Variants in LINGO2 observed in about 807,000 individuals in gnomAD.
LINGO2 encodes the protein leucine rich repeat and Ig domain containing 2.
A neutral mutation model predicts 30.6 loss-of-function variants in LINGO2; 14 were observed. The observed-to-expected ratio is 0.46, with a 90% CI of 0.30 to 0.72. The LOEUF is 0.72. Among genes scored for constraint, LINGO2 ranks in the 30% least tolerant of loss-of-function variants. LINGO2 has a pLI of 0.07. For synonymous variants in LINGO2, 317 were observed against 288.5 expected (o/e 1.10, Z -1.00); for missense variants, 729 against 751.7 (o/e 0.97, Z 0.35).
At chr9:28,099,904 C>G (rs565714364) in intron 4 of LINGO2, among the ~76,000 whole-genome samples, 2 of 152,258 alleles carry the variant, frequency 1.3e-5, no homozygotes, top group African/African-American at 4.8e-5. Context: ...TCTGAATGTT[C>G]TTTCACTCAG....
the LINGO2 span, among the ~76,000 whole-genome samples, chr9:29,145,602 A>C: frequency 0.019 from 2,934 of 152,300 alleles, 25 homozygotes; most frequent in South Asian, 0.053. Context: ...CAAGCAATCA[A>C]CCAAAATATA....
chr9:28,270,316 C>T (rs554774434), intron 4 of LINGO2, among the ~76,000 whole-genome samples: 2 of 152,150 alleles, frequency 1.3e-5, no homozygotes, highest in South Asian at 2.1e-4. Flanking sequence ...ACTTGTAGCC[C>T]ATGAGTCATG....
intron 4 of LINGO2, among the ~76,000 whole-genome samples, chr9:28,126,618 G>T (rs1169662032): frequency 6.6e-6 from 1 of 152,174 alleles, no homozygotes; most frequent in Admixed American, 6.5e-5. Flanking sequence ...GGCACCTAGG[G>T]GTCCCTCAAA....
intron 4 of LINGO2, among the ~76,000 whole-genome samples, chr9:28,150,836 G>T (rs538940368): frequency 6.6e-6 from 1 of 152,136 alleles, no homozygotes; most frequent in African/African-American, 2.4e-5. Flanking sequence ...CGTGGCGGTC[G>T]CCATAGTTAG....
chr9:28,817,089 C>T, the LINGO2 span, among the ~76,000 whole-genome samples: 1 of 152,122 alleles, frequency 6.6e-6, no homozygotes, highest in Non-Finnish European at 1.5e-5. Context: ...GAGAATTTAA[C>T]AGGTCCATAA....
chr9:27,987,250 TA>T (rs1247766901), intron 5 of LINGO2, among the ~76,000 whole-genome samples: 7 of 151,892 alleles, frequency 4.6e-5, no homozygotes, highest in African/African-American at 1.7e-4. Flanking sequence ...GCAATGTGGC[TA>T]AATATGTCTG....
At chr9:28,262,920 A>G (rs1347390752) in intron 4 of LINGO2, among the ~76,000 whole-genome samples, 1 of 152,016 alleles carries the variant, frequency 6.6e-6, no homozygotes, top group Non-Finnish European at 1.5e-5. Context: ...CTGTGTAACA[A>G]GTAAGTTTGT....
chr9:28,325,120 C>G (rs940531931), intron 3 of LINGO2, among the ~76,000 whole-genome samples: 1 of 151,864 alleles, frequency 6.6e-6, no homozygotes, highest in Admixed American at 6.6e-5. Flanking sequence ...CTGTCACTGA[C>G]TAAGATGGCC....
intron 1 of LINGO2, among the ~76,000 whole-genome samples, chr9:28,508,833 T>G (rs1337767349): frequency 6.6e-6 from 1 of 152,076 alleles, no homozygotes; most frequent in African/African-American, 2.4e-5. Context: ...CTTTGATGAT[T>G]TACTACACAT....
At chr9:28,937,357 G>A in the LINGO2 span, among the ~76,000 whole-genome samples, 1 of 152,076 alleles carries the variant, frequency 6.6e-6, no homozygotes, top group Non-Finnish European at 1.5e-5. Flanking sequence ...AACCTAACAA[G>A]GTATGTGCTT....
the LINGO2 span, among the ~76,000 whole-genome samples, chr9:28,733,417 A>G: frequency 3.3e-5 from 5 of 152,196 alleles, no homozygotes; most frequent in African/African-American, 7.2e-5. Context: ...TCCTACATCA[A>G]AAAATATTGT....
At chr9:28,906,815 T>C in the LINGO2 span, among the ~76,000 whole-genome samples, 14 of 152,032 alleles carry the variant, frequency 9.2e-5, no homozygotes, top group African/African-American at 3.4e-4. Flanking sequence ...TGAGAAACAA[T>C]ATATACACAA....
chr9:28,403,654 CTT>C (rs60784166), intron 2 of LINGO2, among the ~76,000 whole-genome samples: 67,731 of 146,098 alleles, frequency 0.46, 15,697 homozygotes, highest in East Asian at 0.55. Flanking sequence ...CACCCCTCTC[CTT>C]TTTTTTTTTT....
chr9:28,490,985 A>C (rs146587071), intron 1 of LINGO2, among the ~76,000 whole-genome samples: 24 of 152,354 alleles, frequency 1.6e-4, no homozygotes, highest in African/African-American at 5.8e-4. Context: ...AGAGAAAACA[A>C]TGTATATAGA....
intron 2 of LINGO2, among the ~76,000 whole-genome samples, chr9:28,468,832 G>A (rs1255181757): frequency 6.6e-6 from 1 of 152,154 alleles, no homozygotes; most frequent in African/African-American, 2.4e-5. Context: ...CAGAGCCAGT[G>A]TGCAAAAACT....
intron 2 of LINGO2, among the ~76,000 whole-genome samples, chr9:28,380,780 A>G (rs1821322296): frequency 6.6e-6 from 1 of 152,132 alleles, no homozygotes; most frequent in Admixed American, 6.6e-5. Context: ...CAGATGGAAT[A>G]TAGAACAGCT....
intron 1 of LINGO2, among the ~76,000 whole-genome samples, chr9:28,486,779 C>A (rs1318639278): frequency 6.6e-6 from 1 of 152,014 alleles, no homozygotes; most frequent in Non-Finnish European, 1.5e-5. Context: ...AAAAACCCCA[C>A]AAAATGGAAT....
chr9:28,979,842 A>G, the LINGO2 span, among the ~76,000 whole-genome samples: 4 of 152,122 alleles, frequency 2.6e-5, no homozygotes, highest in African/African-American at 7.2e-5. Flanking sequence ...TTGATATTTG[A>G]CTGTCACATT....
chr9:28,966,249 G>T, the LINGO2 span, among the ~76,000 whole-genome samples: 1 of 152,146 alleles, frequency 6.6e-6, no homozygotes, highest in Non-Finnish European at 1.5e-5. Context: ...AAGAGTAAGA[G>T]AGGTTGAGAA....
Sources: allele counts gnomAD v4.1 joint callset (sites outside exome capture counted in the v4.1 genomes callset), GRCh38; gene constraint gnomAD v4.1.1; transcripts MANE v1.5; gene names NCBI Gene and HGNC (gene_info 2026-07-23, HGNC 2026-07-21).